SNRPN: variants seen among roughly 807,000 people sequenced by gnomAD.
SNRPN encodes the protein small nuclear ribonucleoprotein polypeptide N, also known as small nuclear ribonucleoprotein-associated protein N.
SNRPN carries 7 observed loss-of-function variants against 25.2 expected under a neutral mutation model. The ratio of observed to expected loss-of-function variants is 0.28; its 90% CI spans 0.16 to 0.52. SNRPN has a LOEUF of 0.52. Ranked by LOEUF, SNRPN falls within the 20% of genes least tolerant of loss-of-function variation. The probability of loss-of-function intolerance (pLI) is 0.96; values close to 1 mark genes in which losing one functional copy is unlikely to be tolerated. For missense variants in SNRPN, 196 were observed against 322.5 expected (o/e 0.61, Z 3.00); for synonymous variants, 124 against 110.6 (o/e 1.12, Z -0.76).
At chr15:24,947,567 G>T (rs1489332148) in intron 3 of SNRPN, among the ~76,000 whole-genome samples, 3 of 152,206 alleles carry the variant, frequency 2.0e-5, no homozygotes, top group Non-Finnish European at 4.4e-5. Flanking sequence ...GGCGGAGGTT[G>T]CAGTGAGCTG....
chr15:24,913,665 A>G (rs1012808571), intron 2 of SNRPN, among the ~76,000 whole-genome samples: 7 of 152,148 alleles, frequency 4.6e-5, no homozygotes, highest in Admixed American at 6.5e-5. Flanking sequence ...AAACAAAACA[A>G]AACAAAAAAA....
intron 1 of SNRPN, among the ~76,000 whole-genome samples, chr15:24,860,308 A>G (rs1217787531): frequency 6.9e-6 from 1 of 145,686 alleles, no homozygotes; most frequent in Admixed American, 7.2e-5. Context: ...TTTCTTGCAT[A>G]TGGAGAGCAA....
intron 1 of SNRPN, among the ~76,000 whole-genome samples, chr15:24,959,644 G>A (rs1186843758): frequency 6.6e-6 from 1 of 152,122 alleles, no homozygotes; most frequent in Non-Finnish European, 1.5e-5. Context: ...TTCTTTAATT[G>A]TATTATATTA....
intron 1 of SNRPN, among the ~76,000 whole-genome samples, chr15:24,859,192 C>T (rs2053749411): frequency 6.6e-6 from 1 of 152,086 alleles, no homozygotes; most frequent in African/African-American, 2.4e-5. Flanking sequence ...GCTTTCATGG[C>T]GACTGGCCAA....
chr15:24,858,276 C>T (rs1484995142), intron 1 of SNRPN, among the ~76,000 whole-genome samples: 1 of 152,060 alleles, frequency 6.6e-6, no homozygotes. Flanking sequence ...AACTATAAAC[C>T]GAATTCCTCC....
At chr15:24,853,521 G>A (rs1260786218), upstream of SNRPN, among the ~76,000 whole-genome samples, 6 of 151,972 alleles carry the variant, frequency 3.9e-5, no homozygotes, top group Non-Finnish European at 8.8e-5. Flanking sequence ...AGTCTCCCAA[G>A]TAGCTGGGAC....
intron 1 of SNRPN, among the ~76,000 whole-genome samples, chr15:24,867,581 A>T (rs1023422362): frequency 6.6e-6 from 1 of 152,044 alleles, no homozygotes; most frequent in Non-Finnish European, 1.5e-5. Context: ...TCACCATGTT[A>T]GCCAGGATGG....
chr15:24,877,719 G>C (rs921817617), intron 1 of SNRPN, among the ~76,000 whole-genome samples: 1 of 151,538 alleles, frequency 6.6e-6, no homozygotes, highest in Admixed American at 6.6e-5. Context: ...GGGCGCAGTG[G>C]CGCGCGCCTG....
At chr15:24,923,627 TAAA>T (rs1227339654) in intron 3 of SNRPN, among the ~76,000 whole-genome samples, 1 of 152,184 alleles carries the variant, frequency 6.6e-6, no homozygotes, top group Non-Finnish European at 1.5e-5. Context: ...CAACTATAAA[TAAA>T]AAATAATGAA....
At chr15:24,959,045 C>T (rs2074351148) in intron 1 of SNRPN, among the ~76,000 whole-genome samples, 1 of 152,110 alleles carries the variant, frequency 6.6e-6, no homozygotes, top group Admixed American at 6.6e-5. Flanking sequence ...TTCTTGAGAT[C>T]TTAGTTAAAT....
intron 3 of SNRPN, among the ~76,000 whole-genome samples, chr15:24,931,646 C>T (rs567022757): frequency 6.6e-6 from 1 of 151,764 alleles, no homozygotes; most frequent in East Asian, 1.9e-4. Context: ...CGAGACCAGC[C>T]TGGGCAACAT....
chr15:24,914,367 G>A (rs2059397620), intron 2 of SNRPN, among the ~76,000 whole-genome samples: 1 of 151,972 alleles, frequency 6.6e-6, no homozygotes. Context: ...AGATACCTGG[G>A]AGTCTAATCC....
intron 3 of SNRPN, among the ~76,000 whole-genome samples, chr15:24,940,883 G>A (rs2061507616): frequency 6.6e-6 from 1 of 152,190 alleles, no homozygotes; most frequent in South Asian, 2.1e-4. Flanking sequence ...TGGCAGTCTG[G>A]AGACCCAGGG....
At position 24,881,595 on chromosome 15, in the gene SNRPN, GAGAGAGAGAGAGAGAGAGAGAGAGA is replaced by G. The variant is rs2056663035; in HGVS notation, c.-578-4919_-578-4895del. 5.3e-5 allele frequency among the ~76,000 whole-genome samples: 3 copies of G among 56,250 alleles called. No homozygotes were observed. The Admixed American group carries it at 6.5e-4, about 12-fold the overall frequency. 36.9% of individuals were successfully genotyped at this position (56,250 alleles called of 152,430 possible). On this transcript the variant is annotated intron_variant, in intron 1 of 11. Coordinates refer to the SNRPN transcript ENST00000400097. ...AGGGAGGGAGGGAGGGAGAGAGAGA[GAGAGAGAGAGAGAGAGAGAGAGAGA>G]AAGTCACAGTAAGGCACCCTAGCAG...
chr15:24,941,308 A>C (rs2061543462), intron 3 of SNRPN, among the ~76,000 whole-genome samples: 1 of 152,242 alleles, frequency 6.6e-6, no homozygotes, highest in South Asian at 2.1e-4. Flanking sequence ...ACACAGGCAC[A>C]TACACAAACC....
At position 24,978,530 on chromosome 15, in the gene SNRPN, T is replaced by G. The variant is rs1374469810; in HGVS notation, c.*86T>G. 2 of 1,144,800 alleles carry G rather than the reference T, an allele frequency of 1.7e-6. No individual in the cohort carries two copies. The highest frequency in any genetic ancestry group is 3.0e-5 in the African/African-American group (2 of 65,622). The allele number at this position is 1,144,800 out of a possible 1,614,324, so 70.9% of individuals were successfully genotyped here. A position where few individuals can be genotyped will look rare whatever the true frequency, so the allele number is the denominator to read the frequency against. On this transcript the variant is annotated 3_prime_UTR_variant, in exon 10 of 10. Coordinates refer to ENST00000390687, the MANE Select transcript of SNRPN (RefSeq NM_003097.6). ...GAGTGTTTGTGAGCTTTTTGTTCCC[T>G]CATTCTGCATTAATAATAGCTAATA... is the stretch of plus-strand genomic sequence containing the variant.
chr15:24,918,520 ATGTGTATATATAACATAATATATATG>A (rs2059720057), intron 2 of SNRPN, among the ~76,000 whole-genome samples: 3 of 97,874 alleles, frequency 3.1e-5, no homozygotes, highest in Non-Finnish European at 4.1e-5. Context: ...TAATATATAT[ATGTGTATATATAACATAATATATATG>A]TGTGTATATA....
At chr15:24,927,759 A>G (rs139137393) in intron 3 of SNRPN, among the ~76,000 whole-genome samples, 4 of 152,174 alleles carry the variant, frequency 2.6e-5, no homozygotes, top group South Asian at 2.1e-4. Context: ...TCAGTCTGCC[A>G]TAATGTTTAA....
chr15:24,955,609 G>C (rs2062709538), intron 1 of SNRPN, among the ~76,000 whole-genome samples: 1 of 149,008 alleles, frequency 6.7e-6, no homozygotes, highest in African/African-American at 2.5e-5. Flanking sequence ...CGACTGGGGG[G>C]GGAATTCGTC....
Sources: allele counts gnomAD v4.1 joint callset (sites outside exome capture counted in the v4.1 genomes callset), GRCh38; gene constraint gnomAD v4.1.1; transcripts MANE v1.5; gene names NCBI Gene and HGNC (gene_info 2026-07-23, HGNC 2026-07-21).